The following GRIN3A variants were observed in gnomAD, a reference collection of about 807,000 sequenced individuals.
The protein encoded by GRIN3A is glutamate receptor ionotropic, NMDA 3A.
A neutral mutation model predicts 92.4 loss-of-function variants in GRIN3A; 47 were observed. That is an observed-to-expected ratio of 0.51 (90% CI 0.40 to 0.65). The LOEUF (loss-of-function observed/expected upper bound fraction) is 0.65. Among genes scored for constraint, GRIN3A ranks in the 30% least tolerant of loss-of-function variants. The pLI is 0.00. For synonymous variants in GRIN3A, 527 were observed against 540.6 expected, an observed-to-expected ratio of 0.97 and a Z score of 0.35; for missense variants, 1,324 against 1,393.1, an observed-to-expected ratio of 0.95 and a Z score of 0.79.
chr9:101,653,665 T>C (rs1829042267), intron 3 of GRIN3A, among the ~76,000 whole-genome samples: 1 of 151,890 alleles, frequency 6.6e-6, no homozygotes, highest in Non-Finnish European at 1.5e-5. Context: ...ATTTAGAACT[T>C]TAGGCACATA....
intron 1 of GRIN3A, among the ~76,000 whole-genome samples, chr9:101,722,818 A>T (rs1830030512): frequency 6.6e-6 from 1 of 152,122 alleles, no homozygotes; most frequent in Non-Finnish European, 1.5e-5. Context: ...CTTGCTTTTG[A>T]TTTTACACCT....
chr9:101,688,906 A>G (rs1165819932), intron 1 of GRIN3A, among the ~76,000 whole-genome samples: 1 of 152,160 alleles, frequency 6.6e-6, no homozygotes, highest in Non-Finnish European at 1.5e-5. Flanking sequence ...ATTTAGTGAC[A>G]AGATCAGATG....
chr9:101,588,659 C>G (rs1328431960), intron 6 of GRIN3A, among the ~76,000 whole-genome samples: 1 of 152,150 alleles, frequency 6.6e-6, no homozygotes, highest in East Asian at 1.9e-4. Flanking sequence ...CAATTACTTT[C>G]AATGCTCCAT....
At chr9:101,574,408 G>T (rs2118776246) in intron 8 of GRIN3A, among the ~76,000 whole-genome samples, 1 of 152,312 alleles carries the variant, frequency 6.6e-6, no homozygotes, top group Middle Eastern at 3.4e-3. Flanking sequence ...GAAGCAGGAG[G>T]AGGAGTAGGA....
chr9:101,658,199 C>T (rs1388272937), intron 3 of GRIN3A, among the ~76,000 whole-genome samples: 2 of 152,078 alleles, frequency 1.3e-5, no homozygotes, highest in East Asian at 1.9e-4. Context: ...AGCCCAATTT[C>T]CTCATCTGTA....
At chr9:101,617,620 A>AT (rs1361598410) in intron 5 of GRIN3A, among the ~76,000 whole-genome samples, 23 of 145,336 alleles carry the variant, frequency 1.6e-4, no homozygotes, top group African/African-American at 5.8e-4. Context: ...ATTTTATTTT[A>AT]TTTATTTATT....
At chr9:101,611,780 A>C (rs10217535) in intron 6 of GRIN3A, among the ~76,000 whole-genome samples, 1 of 152,054 alleles carries the variant, frequency 6.6e-6, no homozygotes, top group African/African-American at 2.4e-5. Flanking sequence ...AATTATGACA[A>C]GTGCTATGAC....
At chr9:101,582,336 G>A (rs1304063246) in intron 6 of GRIN3A, among the ~76,000 whole-genome samples, 1 of 152,182 alleles carries the variant, frequency 6.6e-6, no homozygotes, top group Non-Finnish European at 1.5e-5. Flanking sequence ...TCAAAGACTA[G>A]TGTTAGGGTC....
intron 1 of GRIN3A, among the ~76,000 whole-genome samples, chr9:101,728,787 A>G (rs1247900220): frequency 1.3e-5 from 2 of 152,204 alleles, no homozygotes; most frequent in Middle Eastern, 3.2e-3. Context: ...CAGAAAAGCA[A>G]TATGCATCTA....
intron 6 of GRIN3A, among the ~76,000 whole-genome samples, chr9:101,580,676 C>A (rs1213914708): frequency 6.6e-6 from 1 of 152,144 alleles, no homozygotes; most frequent in East Asian, 1.9e-4. Context: ...AGAGAAGGAA[C>A]TTAATGATAT....
intron 1 of GRIN3A, among the ~76,000 whole-genome samples, chr9:101,688,964 A>C (rs1043064717): frequency 6.6e-6 from 1 of 152,216 alleles, no homozygotes; most frequent in African/African-American, 2.4e-5. Context: ...GACAGGATCC[A>C]ATAGGTAGCT....
rs185391612 is a variant in GRIN3A, at chr9:101,731,289, C to T, written c.699+5992G>A. ...AAGGTGCTATTAGTCTGTTTTTCTT[C>T]TGGATGGCTTCTCACTTCCTACAAT... On this transcript the variant is annotated intron_variant, in intron 1 of 8. Coordinates refer to ENST00000361820, the MANE Select transcript of GRIN3A (RefSeq NM_133445.3). Among the ~76,000 whole-genome samples the T allele has an allele frequency of 3.2e-3, 478 of 149,740 alleles. 1 individual carries two copies. The highest frequency in any genetic ancestry group is 4.8e-3 in the Non-Finnish European group (317 of 66,634).
intron 3 of GRIN3A, among the ~76,000 whole-genome samples, chr9:101,628,840 C>T (rs1828674168): frequency 6.6e-6 from 1 of 150,518 alleles, no homozygotes; most frequent in South Asian, 2.1e-4. Context: ...AATGCTGTGA[C>T]TACATCACTT....
rs1475131684 is a variant in GRIN3A at position 101,572,103 on chromosome 9, TC to T, written c.*1070del. The T allele has an allele frequency of 2.0e-5, 3 of 152,358 alleles. No individual in the cohort carries two copies. The highest frequency in any genetic ancestry group is 2.0e-4 in the Admixed American group (3 of 15,270). The allele number at this position is 152,358 out of a possible 1,614,324, so 9.4% of individuals were successfully genotyped here. A position where few individuals can be genotyped will look rare whatever the true frequency, so the allele number is the denominator to read the frequency against. On this transcript the variant is annotated 3_prime_UTR_variant, in exon 9 of 9. Coordinates refer to ENST00000361820, the MANE Select transcript of GRIN3A (RefSeq NM_133445.3). ...TGAGGATGGGGGATTGACTTGATTT[TC>T]TATACAGATATGCAAAGTGCAGGGC...
In GRIN3A at chr9:101,670,953, C is replaced by T. The variant is rs10989589; in HGVS notation, c.1459G>A (p.Gly487Arg). The change falls in exon 3 of 9, where the codon GGA (glycine) becomes AGA (arginine). Residue 487 changes from glycine to arginine, a missense_variant. Gly to Arg is a moderately radical substitution (Grantham distance 125, BLOSUM62 -2). Transcript: ENST00000361820. ...ATTCCATAGTCCATGACAATCTTTC[C>T]CCCCTGCCAGCTGCCCAAGCGGGTC... ...MWTRLGSWQG[G>R]KIVMDYGIWP... 619,484 of 1,613,478 alleles carry T rather than the reference C, an allele frequency of 0.38. 122,732 individuals are homozygous for T. Among genetic ancestry groups the T allele is most frequent in the Non-Finnish European group, 0.41 (483,328 of 1,179,638 alleles).
Position 101,572,794 on chromosome 9 carries a change from A to G in GRIN3A, c.*380T>C. On this transcript the variant is annotated 3_prime_UTR_variant, in exon 9 of 9. Transcript: ENST00000361820. ...GTGTTACGATGAAAACCAGCAACCC[A>G]GTAAGACATAAGTGTGAGTAACAAT... 2 of 250,438 alleles carry G rather than the reference A, an allele frequency of 8.0e-6. No individual in the cohort carries two copies. The highest frequency in any genetic ancestry group is 1.6e-5 in the Non-Finnish European group (2 of 126,230). 15.5% of individuals were successfully genotyped at this position (250,438 alleles called of 1,614,324 possible).
intron 1 of GRIN3A, among the ~76,000 whole-genome samples, chr9:101,705,886 G>A (rs192698974): frequency 3.9e-5 from 6 of 152,208 alleles, no homozygotes; most frequent in African/African-American, 1.4e-4. Context: ...ATTGTGCAGA[G>A]GAAGAAACTA....
chr9:101,736,122 A>T (rs967373685), intron 1 of GRIN3A, among the ~76,000 whole-genome samples: 3 of 152,206 alleles, frequency 2.0e-5, no homozygotes, highest in Admixed American at 2.0e-4. Context: ...GGAAATACAA[A>T]TTTTTCCAGC....
intron 1 of GRIN3A, among the ~76,000 whole-genome samples, chr9:101,699,983 C>T (rs755134753): frequency 6.6e-5 from 10 of 152,192 alleles, no homozygotes; most frequent in South Asian, 2.1e-4. Context: ...GTTTCTTATG[C>T]GGTTAAACAT....
Sources: gnomAD v4.1 joint callset for allele counts (sites outside exome capture counted in the v4.1 genomes callset) on GRCh38, gnomAD v4.1.1 for gene constraint, MANE v1.5 for transcripts, NCBI Gene and HGNC (gene_info 2026-07-23, HGNC 2026-07-21) for gene names.